Variants in ASXL3 observed in about 807,000 individuals in gnomAD.
The protein encoded by ASXL3 is ASXL transcriptional regulator 3.
In ASXL3, 34 loss-of-function variants were observed where a neutral mutation model predicts 170.6. That is an observed-to-expected ratio of 0.20 (90% CI 0.15 to 0.27). ASXL3 has a LOEUF of 0.27. Ranked by LOEUF, ASXL3 falls within the 10% of genes least tolerant of loss-of-function variation. The pLI, the probability that ASXL3 is intolerant of heterozygous loss-of-function variation, is 1.00. For missense variants in ASXL3, 2,592 were observed against 2,695.3 expected (o/e 0.96, Z 0.85); for synonymous variants, 1,002 against 989.1 (o/e 1.01, Z -0.24).
chr18:33,732,039 A>G lies in ASXL3; in HGVS notation c.951A>G (p.Gln317=). 3.1e-6 allele frequency: 5 copies of G among 1,613,250 alleles called. No homozygotes were observed. Among genetic ancestry groups the G allele is most frequent in the Non-Finnish European group, 4.2e-6 (5 of 1,179,570 alleles). ...ATGAATTCTTTGCATATGCAGCACA[A>G]GGGTGGAAACAGCGACTGGCAGAAG... ...LNNEFFAYAA[Q]GWKQRLAEGE... Residue 317 remains glutamine, a synonymous_variant, in exon 9 of 12, where the codon CAA becomes CAG. Transcript: ENST00000269197.
intron 8 of ASXL3, among the ~76,000 whole-genome samples, chr18:33,685,042 T>G (rs2066572026): frequency 1.3e-5 from 2 of 152,038 alleles, no homozygotes; most frequent in African/African-American, 4.8e-5. Flanking sequence ...AGCTGAGGAG[T>G]CTGAATGGTG....
intron 10 of ASXL3, 48 bp from the exon 11 acceptor site, chr18:33,738,439 T>A: frequency 6.6e-7 from 1 of 1,512,506 alleles, no homozygotes; most frequent in East Asian, 2.3e-5. Context: ...CAGTTGTACC[T>A]TTTATGTTTT....
chr18:33,605,934 C>A (rs919510973), intron 1 of ASXL3, among the ~76,000 whole-genome samples: 1 of 151,918 alleles, frequency 6.6e-6, no homozygotes, highest in Admixed American at 6.6e-5. Context: ...CGTTGCCTTT[C>A]ATTTGAGGCA....
At chr18:33,645,844 G>A (rs2065906804) in intron 3 of ASXL3, among the ~76,000 whole-genome samples, 1 of 151,794 alleles carries the variant, frequency 6.6e-6, no homozygotes, top group Non-Finnish European at 1.5e-5. Flanking sequence ...GTGTGTTTCA[G>A]AAAATAACCC....
intron 4 of ASXL3, among the ~76,000 whole-genome samples, chr18:33,655,888 G>A (rs1168528488): frequency 6.6e-6 from 1 of 151,954 alleles, no homozygotes; most frequent in Non-Finnish European, 1.5e-5. Context: ...TTATTGTTAA[G>A]TTTTCATCGG....
chr18:33,582,312 A>C (rs547624062), intron 1 of ASXL3, among the ~76,000 whole-genome samples: 2 of 152,186 alleles, frequency 1.3e-5, no homozygotes, highest in African/African-American at 4.8e-5. Flanking sequence ...GCTTCTTTGT[A>C]AAAAATGGGG....
At chr18:33,679,710 C>G (rs2066484207) in intron 7 of ASXL3, among the ~76,000 whole-genome samples, 3 of 152,068 alleles carry the variant, frequency 2.0e-5, no homozygotes, top group African/African-American at 7.2e-5. Flanking sequence ...AGTTTTTACA[C>G]ATTTATCATT....
intron 7 of ASXL3, among the ~76,000 whole-genome samples, chr18:33,681,374 A>G (rs1409021859): frequency 6.6e-6 from 1 of 152,168 alleles, no homozygotes; most frequent in African/African-American, 2.4e-5. Flanking sequence ...TTTCAGCAAG[A>G]TTCTCTAAAG....
At position 33,743,037 on chromosome 18, in the gene ASXL3, A is replaced by T; in HGVS notation, c.3189A>T (p.Gln1063His). The change falls in exon 12 of 12, where the codon CAA becomes CAT. Residue 1063 changes from glutamine to histidine, a missense_variant. Transcript: ENST00000269197. Reference protein sequence around the residue: ...TLADIKARAQQARAQREAAAA... With the variant: ...TLADIKARAQHARAQREAAAA... Reference sequence around the variant, plus strand: ...CAGATATCAAGGCCCGGGCCCAACAAGCTCGGGCCCAGCGAGAGGCTGCTG... The same window carrying T: ...CAGATATCAAGGCCCGGGCCCAACATGCTCGGGCCCAGCGAGAGGCTGCTG... 1 of 1,613,814 alleles carries T rather than the reference A, an allele frequency of 6.2e-7. No homozygotes were observed. Among genetic ancestry groups the T allele is most frequent in the South Asian group, 1.1e-5 (1 of 91,076 alleles).
intron 7 of ASXL3, among the ~76,000 whole-genome samples, chr18:33,678,278 C>G (rs1298167995): frequency 6.6e-6 from 1 of 152,012 alleles, no homozygotes; most frequent in Non-Finnish European, 1.5e-5. Flanking sequence ...TCATGAAGAA[C>G]TCTTTGGTTT....
At chr18:33,659,972 T>A (rs996157368) in intron 4 of ASXL3, among the ~76,000 whole-genome samples, 1 of 152,140 alleles carries the variant, frequency 6.6e-6, no homozygotes, top group African/African-American at 2.4e-5. Flanking sequence ...CTTTGTTAAC[T>A]TCTAGTTTCA....
At chr18:33,715,615 G>GAGAGTA (rs2067152183) in intron 8 of ASXL3, among the ~76,000 whole-genome samples, 1 of 152,104 alleles carries the variant, frequency 6.6e-6, no homozygotes, top group African/African-American at 2.4e-5. Context: ...ATATTTGTGT[G>GAGAGTA]ACTAATATTT....
At chr18:33,653,252 T>C (rs923088218) in intron 4 of ASXL3, among the ~76,000 whole-genome samples, 2 of 152,028 alleles carry the variant, frequency 1.3e-5, no homozygotes, top group East Asian at 3.9e-4. Context: ...TACATGATCG[T>C]GGAGAAAGAC....
At chr18:33,657,995 T>C (rs2066110749) in intron 4 of ASXL3, among the ~76,000 whole-genome samples, 1 of 152,136 alleles carries the variant, frequency 6.6e-6, no homozygotes, top group Admixed American at 6.6e-5. Flanking sequence ...GTCCTGGCAT[T>C]AGTTTTGTGA....
At chr18:33,581,545 T>C (rs545627427) in intron 1 of ASXL3, among the ~76,000 whole-genome samples, 2 of 151,428 alleles carry the variant, frequency 1.3e-5, no homozygotes, top group East Asian at 1.9e-4. Flanking sequence ...AAATGCAAAA[T>C]AGATATTTTG....
chr18:33,693,999 A>G (rs2066732104), intron 8 of ASXL3, among the ~76,000 whole-genome samples: 1 of 152,180 alleles, frequency 6.6e-6, no homozygotes, highest in South Asian at 2.1e-4. Context: ...ATGGGGTCCT[A>G]GAGTAACACA....
chr18:33,581,918 C>T (rs1214881948), intron 1 of ASXL3, among the ~76,000 whole-genome samples: 1 of 152,164 alleles, frequency 6.6e-6, no homozygotes, highest in African/African-American at 2.4e-5. Flanking sequence ...AACAGTAATA[C>T]CACATCTTTT....
chr18:33,581,162 TTGATAG>T (rs1237370126), intron 1 of ASXL3, among the ~76,000 whole-genome samples: 1 of 152,204 alleles, frequency 6.6e-6, no homozygotes, highest in African/African-American at 2.4e-5. Flanking sequence ...ACTTTTATAA[TTGATAG>T]TATTTCTTAA....
intron 2 of ASXL3, among the ~76,000 whole-genome samples, chr18:33,633,303 C>CT (rs577198560): frequency 3.3e-5 from 5 of 152,138 alleles, no homozygotes; most frequent in Admixed American, 3.3e-4. Flanking sequence ...TATTGTAGCA[C>CT]TTTTTTCATG....
Sources: allele counts gnomAD v4.1 joint callset (sites outside exome capture counted in the v4.1 genomes callset), GRCh38; gene constraint gnomAD v4.1.1; transcripts MANE v1.5; gene names NCBI Gene and HGNC (gene_info 2026-07-23, HGNC 2026-07-21).